MAPDA: variants seen among roughly 807,000 people sequenced by gnomAD.
MAPDA encodes N6-Methyl-AMP deaminase.
At chr15:43,332,850 C>T in the MAPDA span, among the ~76,000 whole-genome samples, 7 of 152,210 alleles carry the variant, frequency 4.6e-5, no homozygotes, top group African/African-American at 9.6e-5. Flanking sequence ...GTATTACTAA[C>T]GTGGATCTTA....
the MAPDA span, among the ~76,000 whole-genome samples, chr15:43,339,071 A>G: frequency 6.6e-6 from 1 of 152,234 alleles, no homozygotes; most frequent in African/African-American, 2.4e-5. Flanking sequence ...GACAAGATCC[A>G]GATTCCTCAA....
At chr15:43,341,502 G>A in the MAPDA span, among the ~76,000 whole-genome samples, 2 of 152,200 alleles carry the variant, frequency 1.3e-5, no homozygotes, top group African/African-American at 4.8e-5. Context: ...TTAAATGACT[G>A]AACTGGGTAC....
chr15:43,339,140 TC>T, the MAPDA span, among the ~76,000 whole-genome samples: 1 of 152,168 alleles, frequency 6.6e-6, no homozygotes, highest in Non-Finnish European at 1.5e-5. Flanking sequence ...AAGAGGGAGT[TC>T]CTGGAGTAGC....
chr15:43,338,710 C>A, the MAPDA span, among the ~76,000 whole-genome samples: 1 of 152,214 alleles, frequency 6.6e-6, no homozygotes, highest in Non-Finnish European at 1.5e-5. Flanking sequence ...TCAGTACCTA[C>A]CGCACTACCT....
chr15:43,336,585 T>C, the MAPDA span: 6 of 1,490,996 alleles, frequency 4.0e-6, no homozygotes, highest in Non-Finnish European at 5.4e-6. Context: ...TGAGTTTCTT[T>C]GATGACTAGA....
chr15:43,342,088 C>G, the MAPDA span, among the ~76,000 whole-genome samples: 1 of 152,148 alleles, frequency 6.6e-6, no homozygotes, highest in African/African-American at 2.4e-5. Context: ...ATCGGCCCGC[C>G]TCGGCCTCCG....
chr15:43,334,816 A>G, the MAPDA span: 2 of 271,938 alleles, frequency 7.4e-6, no homozygotes, highest in Non-Finnish European at 6.9e-6. Flanking sequence ...TATGTTGTTT[A>G]CTAATCGTTT....
At chr15:43,335,272 T>C in the MAPDA span, 2 of 1,256,944 alleles carry the variant, frequency 1.6e-6, no homozygotes, top group Non-Finnish European at 2.3e-6. Context: ...CAGTGGCTCA[T>C]GCCTGAAATT....
chr15:43,352,267 T>C, the MAPDA span: 1 of 223,606 alleles, frequency 4.5e-6, no homozygotes, highest in South Asian at 1.7e-4. Context: ...CAGGAAATGT[T>C]TTGGAATTAC....
At chr15:43,338,860 A>T in the MAPDA span, among the ~76,000 whole-genome samples, 2 of 152,056 alleles carry the variant, frequency 1.3e-5, no homozygotes, top group Non-Finnish European at 2.9e-5. Context: ...CTTGCTCCAT[A>T]CTTGTTAGTT....
the MAPDA span, chr15:43,343,063 AC>A: frequency 5.1e-6 from 8 of 1,577,978 alleles, no homozygotes; most frequent in South Asian, 9.5e-5. Context: ...GAAAACTTGG[AC>A]ATTGATGTTA....
chr15:43,351,319 T>C, the MAPDA span: 1 of 311,014 alleles, frequency 3.2e-6, no homozygotes, highest in Non-Finnish European at 5.8e-6. Flanking sequence ...AGAGTGAAAC[T>C]CCATCTCACA....
At chr15:43,337,669 T>A in the MAPDA span, among the ~76,000 whole-genome samples, 1 of 152,238 alleles carries the variant, frequency 6.6e-6, no homozygotes, top group Admixed American at 6.5e-5. Flanking sequence ...AGGTAACTTT[T>A]GACTGATCAA....
At chr15:43,349,367 T>C in the MAPDA span, 3 of 980,396 alleles carry the variant, frequency 3.1e-6, no homozygotes, top group South Asian at 4.2e-5. Context: ...ACATGTGTTA[T>C]GAAAATATGT....
At chr15:43,351,437 A>T in the MAPDA span, 2 of 344,940 alleles carry the variant, frequency 5.8e-6, no homozygotes, top group East Asian at 1.1e-4. Context: ...AACAAACAAA[A>T]AAACTGATGC....
the MAPDA span, among the ~76,000 whole-genome samples, chr15:43,347,877 ATCTAGTGGCAGGACT>A: frequency 6.6e-6 from 1 of 152,182 alleles, no homozygotes; most frequent in Non-Finnish European, 1.5e-5. Context: ...AAGGTCAGTA[ATCTAGTGGCAGGACT>A]TAAAATCTAG....
At chr15:43,345,947 A>G in the MAPDA span, 48 of 1,614,062 alleles carry the variant, frequency 3.0e-5, no homozygotes, top group Non-Finnish European at 3.8e-5. Context: ...CTGAGGGTAC[A>G]GTTCTTGGCC....
chr15:43,330,648 T>G, the MAPDA span: 1 of 825,788 alleles, frequency 1.2e-6, no homozygotes, highest in Non-Finnish European at 1.8e-6. Flanking sequence ...AGAGCGCATC[T>G]CGCCAACCAG....
At chr15:43,341,679 TG>T in the MAPDA span, among the ~76,000 whole-genome samples, 1 of 151,288 alleles carries the variant, frequency 6.6e-6, no homozygotes, top group African/African-American at 2.4e-5. Flanking sequence ...CCCACCTCTA[TG>T]GGCTCCAAGG....
Sources: allele counts gnomAD v4.1 joint callset (sites outside exome capture counted in the v4.1 genomes callset), GRCh38; gene constraint gnomAD v4.1.1; transcripts MANE v1.5; gene names NCBI Gene and HGNC (gene_info 2026-07-23, HGNC 2026-07-21).